Variants in SBNO2 observed in about 807,000 individuals in gnomAD.
SBNO2 encodes the protein protein strawberry notch homolog 2.
Under a neutral mutation model 146.3 loss-of-function variants are expected in SBNO2, and 89 were observed. The observed-to-expected ratio is 0.61, with a 90% CI of 0.51 to 0.73. The LOEUF (loss-of-function observed/expected upper bound fraction) is 0.73, where lower values mean the gene tolerates loss of function less well. Among genes scored for constraint, SBNO2 ranks in the 30% least tolerant of loss-of-function variants. SBNO2 has a pLI of 0.00. For synonymous variants in SBNO2, 1,147 were observed against 892.6 expected, an observed-to-expected ratio of 1.29 and a Z score of -5.08; for missense variants, 2,092 against 2,003.7, an observed-to-expected ratio of 1.04 and a Z score of -0.84.
chr19:1,124,900 C>T (rs1250159835), intron 5 of SBNO2, among the ~76,000 whole-genome samples: 1 of 152,098 alleles, frequency 6.6e-6, no homozygotes, highest in African/African-American at 2.4e-5. Flanking sequence ...GTGGTGTGGC[C>T]CGTCGTCATG....
chr19:1,128,450 T>C lies in SBNO2; in HGVS notation c.280-685A>G, dbSNP rs375778840. Among the ~76,000 whole-genome samples, 63 of 151,598 alleles carry C rather than the reference T, an allele frequency of 4.2e-4. No homozygotes were observed. The East Asian group carries it at 6.1e-3, about 15-fold the overall frequency. The stretch of plus-strand genomic sequence containing the variant: ...CACTGTCGCCCGGGCTGGAGTGCAA[T>C]GGTGTGATCTCGTCTCACTGCACCC... On this transcript the variant is annotated intron_variant, in intron 4 of 31. Coordinates refer to ENST00000361757, the MANE Select transcript of SBNO2 (RefSeq NM_014963.3).
chr19:1,164,809 G>GAAC (rs1568644611), intron 1 of SBNO2, among the ~76,000 whole-genome samples: 3 of 608 alleles, frequency 4.9e-3, no homozygotes, highest in African/African-American at 0.013. Flanking sequence ...GGAGGAGGAG[G>GAAC]AGGAGCAGGA....
rs1251970999 is a variant in SBNO2, at chr19:1,117,573, G to A, written c.1528-74C>T. The A allele has an allele frequency of 1.3e-5, 19 of 1,451,536 alleles. 1 individual carries two copies. The highest frequency in any genetic ancestry group is 1.1e-4 in the African/African-American group (8 of 70,272). The allele number at this position is 1,451,536 out of a possible 1,614,324, so 89.9% of individuals were successfully genotyped here. The stretch of plus-strand genomic sequence containing the variant: ...CGACCCGGGCCCCGGCCCACCTGCC[G>A]CCAGCCCTGGGCAAGGCATCCCCAC... On this transcript the variant is annotated intron_variant, in intron 14 of 31. Transcript: ENST00000361757.
intron 1 of SBNO2, among the ~76,000 whole-genome samples, chr19:1,170,759 A>G (rs2080469689): frequency 6.6e-6 from 1 of 152,072 alleles, no homozygotes; most frequent in South Asian, 2.1e-4. Context: ...ACACGTGCAT[A>G]ACGGACACAG....
chr19:1,145,409 G>C (rs1490487081), intron 4 of SBNO2, among the ~76,000 whole-genome samples: 13 of 151,066 alleles, frequency 8.6e-5, no homozygotes, highest in Non-Finnish European at 1.5e-4. Context: ...GGAAGCGGAG[G>C]TTGCAGTGAG....
At position 1,158,771 on chromosome 19, in the gene SBNO2, G is replaced by C. The variant is rs1463417540; in HGVS notation, c.-126-4369C>G. On this transcript the variant is annotated intron_variant, in intron 1 of 31. Coordinates refer to ENST00000361757, the MANE Select transcript of SBNO2 (RefSeq NM_014963.3). This position sits in a 1 kb window ranked among gnomAD's most constrained non-coding sequence, Gnocchi z 9.9. Reference sequence around the variant, plus strand: ...GCGTCCCAGGACCTGAAGATGGCAAGGAGCAGGCCCCCGGGTGTCCCGGGA... The same window carrying C: ...GCGTCCCAGGACCTGAAGATGGCAACGAGCAGGCCCCCGGGTGTCCCGGGA... Among the ~76,000 whole-genome samples the C allele has an allele frequency of 6.6e-6, 1 of 152,182 alleles. No individual in the cohort carries two copies. Among genetic ancestry groups the C allele is most frequent in the African/African-American group, 2.4e-5 (1 of 41,440 alleles).
chr19:1,111,393 A>G, intron 24 of SBNO2, 113 bp downstream of exon 24: 1 of 779,330 alleles, frequency 1.3e-6, no homozygotes, highest in Non-Finnish European at 2.1e-6. Flanking sequence ...GTGTGTGGGG[A>G]GGGGTCACTC....
chr19:1,127,572 C>A, intron 5 of SBNO2, 32 bp downstream of exon 5: 1 of 1,603,342 alleles, frequency 6.2e-7, no homozygotes, highest in South Asian at 1.1e-5. Flanking sequence ...GCTGGTGGGT[C>A]GGGGCTGGCT....
intron 1 of SBNO2, among the ~76,000 whole-genome samples, chr19:1,163,236 C>T (rs1018794238): frequency 2.0e-4 from 30 of 152,198 alleles, no homozygotes; most frequent in African/African-American, 7.0e-4. Context: ...CTGTTAACAA[C>T]TCATGTCCTT....
chr19:1,153,907 G>T (rs79852156), intron 2 of SBNO2, among the ~76,000 whole-genome samples: 1 of 152,164 alleles, frequency 6.6e-6, no homozygotes, highest in Non-Finnish European at 1.5e-5. Flanking sequence ...TACAGCTGAC[G>T]GCGAAGGAAC....
intron 16 of SBNO2, 136 bp downstream of exon 16, chr19:1,116,693 C>G: frequency 1.4e-6 from 1 of 696,716 alleles, no homozygotes. Context: ...GTGGCTGAGG[C>G]TGGGGGCCCA....
chr19:1,115,984 G>C (rs777553653), intron 17 of SBNO2, 37 bp downstream of exon 17: 18 of 1,531,644 alleles, frequency 1.2e-5, no homozygotes, highest in Non-Finnish European at 1.6e-5. Flanking sequence ...AAAGCAGAGG[G>C]GCAGGGGTGG....
intron 1 of SBNO2, among the ~76,000 whole-genome samples, chr19:1,166,557 T>G (rs1420296249): frequency 6.6e-6 from 1 of 151,848 alleles, no homozygotes; most frequent in Non-Finnish European, 1.5e-5. Context: ...CTGGGAGGAC[T>G]GCGTGAGCCC....
chr19:1,147,903 TGAG>T (rs1183832503), intron 3 of SBNO2, among the ~76,000 whole-genome samples: 1 of 152,018 alleles, frequency 6.6e-6, no homozygotes, highest in Non-Finnish European at 1.5e-5. Context: ...CCTGTCACCC[TGAG>T]GATGGCAAAG....
rs1324312600 is a variant in SBNO2, at chr19:1,110,124, G to A, written c.3029-347C>T. 6.6e-6 allele frequency among the ~76,000 whole-genome samples: 1 copy of A among 151,724 alleles called. No homozygotes were observed. The highest frequency in any genetic ancestry group is 1.5e-5 in the Non-Finnish European group (1 of 67,868). On this transcript the variant is annotated intron_variant, in intron 26 of 31. Transcript: ENST00000361757. This position sits in a 1 kb window ranked among gnomAD's most constrained non-coding sequence, Gnocchi z 4.9. ...AGCAGGCTGTGAGGAGATTGTAGGA[G>A]CCTGGGGGCTGCTCAGGTGCTGGGT... is the stretch of plus-strand genomic sequence containing the variant.
In SBNO2 at chr19:1,157,073, C is replaced by G. The variant is rs1203516253; in HGVS notation, c.-126-2671G>C. Among the ~76,000 whole-genome samples, 2 of 152,132 alleles carry G rather than the reference C, an allele frequency of 1.3e-5. No individual in the cohort carries two copies. The highest frequency in any genetic ancestry group is 1.9e-4 in the East Asian group (1 of 5,158). ...CCCCTGCTGCCCCGATCCCCAGGCC[C>G]TCCCGCAGCCCCCAGCCCCTAGCCC... On this transcript the variant is annotated intron_variant, in intron 1 of 31. Transcript: ENST00000361757. The surrounding 1 kb of genome is among the most constrained non-coding windows in gnomAD (Gnocchi z 6.8).
rs1163811323 is a variant in SBNO2 at position 1,173,547 on chromosome 19, G to A, written c.-127+625C>T. On this transcript the variant is annotated intron_variant, in intron 1 of 31. Coordinates refer to ENST00000361757, the MANE Select transcript of SBNO2 (RefSeq NM_014963.3). This position sits in a 1 kb window ranked among gnomAD's most constrained non-coding sequence, Gnocchi z 4.7. ...GGAGGGAGACAGGGCTGCGCTGCGG[G>A]GCCGAGAAGGCAAGGGTCCTGGGAC... 6.6e-6 allele frequency among the ~76,000 whole-genome samples: 1 copy of A among 152,124 alleles called. No homozygotes were observed. The highest frequency in any genetic ancestry group is 1.5e-5 in the Non-Finnish European group (1 of 68,026).
rs2145183724 is a variant in SBNO2, at chr19:1,109,470, G to A, written c.3216+36C>T. ...CCGCGCCCCGGTCCGCCCCCCGCGGGCCCTCCTCTGGGGGGGTAACCCCGC... is the reference window on the plus strand; with the variant it reads ...CCGCGCCCCGGTCCGCCCCCCGCGGACCCTCCTCTGGGGGGGTAACCCCGC... On this transcript the variant is annotated intron_variant, in intron 28 of 31. Transcript: ENST00000361757. The surrounding 1 kb of genome is among the most constrained non-coding windows in gnomAD (Gnocchi z 4.2). 1 of 1,571,832 alleles carries A rather than the reference G, an allele frequency of 6.4e-7. No individual in the cohort carries two copies. The highest frequency in any genetic ancestry group is 1.4e-5 in the African/African-American group (1 of 74,040).
chr19:1,162,064 G>A (rs973400562), intron 1 of SBNO2, among the ~76,000 whole-genome samples: 2 of 151,050 alleles, frequency 1.3e-5, no homozygotes, highest in Admixed American at 6.6e-5. Context: ...CTGGCCCCGA[G>A]GCTGTGGGGC....
Sources: gnomAD v4.1 joint callset for allele counts (sites outside exome capture counted in the v4.1 genomes callset) on GRCh38, gnomAD v4.1.1 for gene constraint, Gnocchi (gnomAD v3.1) non-coding constraint, MANE v1.5 for transcripts, NCBI Gene and HGNC (gene_info 2026-07-23, HGNC 2026-07-21) for gene names.